Variants in MMP16 observed in about 807,000 individuals in gnomAD.
The protein encoded by MMP16 is matrix metalloproteinase-16.
In MMP16, 12 loss-of-function variants were observed where a neutral mutation model predicts 67.8. That is an observed-to-expected ratio of 0.18 (90% CI 0.11 to 0.29). The LOEUF (loss-of-function observed/expected upper bound fraction) is 0.29. MMP16 is among the 10% of genes least tolerant of loss of function. MMP16 has a pLI of 1.00. For missense variants in MMP16, 475 were observed against 765.7 expected, an observed-to-expected ratio of 0.62 and a Z score of 4.48; for synonymous variants, 249 against 255.9, an observed-to-expected ratio of 0.97 and a Z score of 0.26.
At chr8:88,129,611 T>A (rs1807992989) in intron 4 of MMP16, among the ~76,000 whole-genome samples, 1 of 151,548 alleles carries the variant, frequency 6.6e-6, no homozygotes, top group African/African-American at 2.4e-5. Context: ...AGGTTGTTTT[T>A]TCTATTAATA....
At position 88,058,956 on chromosome 8, in the gene MMP16, A is replaced by G. The variant is rs1808363711; in HGVS notation, c.1223-2678T>C. ...GATAGGCATTGCCAAGGGAAATAAA[A>G]TAAAGATAATATTAAGAATGATCTT... On this transcript the variant is annotated intron_variant, in intron 7 of 9. Transcript: ENST00000286614. The surrounding 1 kb of genome is among the most constrained non-coding windows in gnomAD (Gnocchi z 4.2). Among the ~76,000 whole-genome samples the G allele has an allele frequency of 6.6e-6, 1 of 152,108 alleles. No individual in the cohort carries two copies. Among genetic ancestry groups the G allele is most frequent in the Non-Finnish European group, 1.5e-5 (1 of 68,002 alleles).
At chr8:88,241,587 T>C (rs1051575810) in intron 1 of MMP16, among the ~76,000 whole-genome samples, 1 of 152,136 alleles carries the variant, frequency 6.6e-6, no homozygotes, top group African/African-American at 2.4e-5. Flanking sequence ...ATTTATGGTA[T>C]AAATGATATA....
chr8:88,293,173 G>T (rs769436550), intron 1 of MMP16, among the ~76,000 whole-genome samples: 3 of 152,088 alleles, frequency 2.0e-5, no homozygotes, highest in Non-Finnish European at 4.4e-5. Context: ...AGATAAAAGA[G>T]AATGAGTTGA....
chr8:88,270,322 T>C (rs1404634557), intron 1 of MMP16, among the ~76,000 whole-genome samples: 1 of 152,214 alleles, frequency 6.6e-6, no homozygotes, highest in African/African-American at 2.4e-5. Context: ...CTCCAAAATT[T>C]ATCAGATTGC....
At chr8:88,074,230 T>C (rs1016811497) in intron 7 of MMP16, among the ~76,000 whole-genome samples, 1 of 152,176 alleles carries the variant, frequency 6.6e-6, no homozygotes, top group African/African-American at 2.4e-5. Flanking sequence ...TTTCAGAGAT[T>C]ATGTATGAAA....
intron 1 of MMP16, among the ~76,000 whole-genome samples, chr8:88,213,283 A>C (rs1809539297): frequency 6.6e-6 from 1 of 152,296 alleles, no homozygotes; most frequent in Admixed American, 6.5e-5. Flanking sequence ...CTTGATAAAT[A>C]CCGCAAATTA....
chr8:88,145,655 C>T (rs1303373036), intron 4 of MMP16, among the ~76,000 whole-genome samples: 1 of 151,794 alleles, frequency 6.6e-6, no homozygotes, highest in Non-Finnish European at 1.5e-5. Context: ...TAGTAGATTC[C>T]AATGGGCCCT....
At chr8:88,242,245 T>C (rs1195000420) in intron 1 of MMP16, among the ~76,000 whole-genome samples, 2 of 152,196 alleles carry the variant, frequency 1.3e-5, no homozygotes, top group African/African-American at 2.4e-5. Flanking sequence ...TTGTAGGTAA[T>C]AGAATTTAAG....
At chr8:88,209,844 G>A (rs532007898) in intron 1 of MMP16, among the ~76,000 whole-genome samples, 1 of 152,202 alleles carries the variant, frequency 6.6e-6, no homozygotes, top group Non-Finnish European at 1.5e-5. Context: ...ACCACACTTT[G>A]TTTATCCATT....
chr8:88,052,399 T>C (rs906283380), intron 8 of MMP16, among the ~76,000 whole-genome samples: 2 of 152,178 alleles, frequency 1.3e-5, no homozygotes, highest in Non-Finnish European at 2.9e-5. Flanking sequence ...ACTCAAAATG[T>C]ATCCTGCACC....
At chr8:88,161,772 AAAG>A (rs1808628318) in intron 4 of MMP16, among the ~76,000 whole-genome samples, 1 of 152,130 alleles carries the variant, frequency 6.6e-6, no homozygotes, top group African/African-American at 2.4e-5. Context: ...CGTTGGTTTC[AAAG>A]AACATCTTTA....
intron 4 of MMP16, among the ~76,000 whole-genome samples, chr8:88,155,398 G>A (rs776992541): frequency 2.6e-4 from 39 of 151,884 alleles, no homozygotes; most frequent in Non-Finnish European, 4.9e-4. Context: ...TTCCTGCATA[G>A]TGATATAAAG....
intron 1 of MMP16, among the ~76,000 whole-genome samples, chr8:88,203,968 T>C (rs912497307): frequency 6.6e-6 from 1 of 152,162 alleles, no homozygotes; most frequent in Non-Finnish European, 1.5e-5. Context: ...AGAAAAGAAA[T>C]TGTTTTTCAA....
intron 6 of MMP16, among the ~76,000 whole-genome samples, chr8:88,091,241 A>AT (rs567097077): frequency 6.6e-5 from 10 of 151,806 alleles, no homozygotes; most frequent in African/African-American, 2.2e-4. Context: ...CTTGTTGAAT[A>AT]TTTTTTTCAT....
In MMP16 at chr8:88,216,887, T is replaced by G. The variant is rs1809603268; in HGVS notation, c.133-19581A>C. Among the ~76,000 whole-genome samples the G allele has an allele frequency of 2.0e-5, 3 of 152,102 alleles. No homozygotes were observed. The South Asian group carries it at 6.2e-4, about 31-fold the overall frequency. On this transcript the variant is annotated intron_variant, in intron 1 of 9. Coordinates refer to ENST00000286614, the MANE Select transcript of MMP16 (RefSeq NM_005941.5). ...TGTCAATAATAACAATTTTATTGGA[T>G]ATATATTTTGAATTACATAAATATC...
intron 8 of MMP16, among the ~76,000 whole-genome samples, chr8:88,052,794 T>C (rs1808287209): frequency 6.6e-6 from 1 of 152,204 alleles, no homozygotes; most frequent in Non-Finnish European, 1.5e-5. Context: ...CCTGAACAGC[T>C]TTCTATGGCT....
intron 1 of MMP16, among the ~76,000 whole-genome samples, chr8:88,251,316 C>T (rs976228903): frequency 9.2e-5 from 14 of 151,544 alleles, no homozygotes; most frequent in South Asian, 2.1e-4. Context: ...TGGAACAGAA[C>T]AGAGTCCTCA....
intron 4 of MMP16, among the ~76,000 whole-genome samples, chr8:88,151,479 C>A (rs1423212767): frequency 2.0e-5 from 3 of 150,328 alleles, no homozygotes; most frequent in East Asian, 2.0e-4. Flanking sequence ...CACTCCTCAG[C>A]AAATGTAAAA....
At chr8:88,201,847 G>C (rs1218820246) in intron 1 of MMP16, among the ~76,000 whole-genome samples, 2 of 152,090 alleles carry the variant, frequency 1.3e-5, no homozygotes, top group African/African-American at 4.8e-5. Flanking sequence ...AACAGCTTAA[G>C]GACTTTTTTT....
Sources: allele counts gnomAD v4.1 joint callset (sites outside exome capture counted in the v4.1 genomes callset), GRCh38; gene constraint gnomAD v4.1.1; non-coding constraint Gnocchi (gnomAD v3.1); transcripts MANE v1.5; gene names NCBI Gene and HGNC (gene_info 2026-07-23, HGNC 2026-07-21).